MCC: variants seen among roughly 807,000 people sequenced by gnomAD.
MCC encodes the protein MCC regulator of Wnt signaling pathway.
In MCC, 90 loss-of-function variants were observed where a neutral mutation model predicts 116.2. The observed-to-expected ratio is 0.77, with a 90% CI of 0.65 to 0.92. The LOEUF is 0.92. MCC is among the 40% of genes least tolerant of loss of function. The pLI, the probability that MCC is intolerant of heterozygous loss-of-function variation, is 0.00. For missense variants in MCC, 1,516 were observed against 1,312.2 expected (o/e 1.16, Z -2.40); for synonymous variants, 578 against 510.5 (o/e 1.13, Z -1.78).
intron 6 of MCC, among the ~76,000 whole-genome samples, chr5:113,104,971 A>C (rs1283621096): frequency 1.3e-5 from 2 of 152,250 alleles, no homozygotes; most frequent in Non-Finnish European, 2.9e-5. Flanking sequence ...TAATAATTTG[A>C]TTTTGACTTA....
At chr5:113,244,200 A>G (rs1251997438) in intron 3 of MCC, among the ~76,000 whole-genome samples, 1 of 152,228 alleles carries the variant, frequency 6.6e-6, no homozygotes, top group Admixed American at 6.5e-5. Flanking sequence ...CAAATAGCAT[A>G]TGTAATGTGG....
At chr5:113,429,095 T>C (rs1208992232) in intron 1 of MCC, among the ~76,000 whole-genome samples, 4 of 152,156 alleles carry the variant, frequency 2.6e-5, no homozygotes, top group Admixed American at 6.5e-5. Context: ...TATACTCTTT[T>C]TGAGGGGGAG....
At chr5:113,063,871 C>A (rs577536977) in intron 14 of MCC, 113 bp downstream of exon 14, 12 of 1,160,798 alleles carry the variant, frequency 1.0e-5, no homozygotes, top group Admixed American at 7.4e-5. Context: ...GAAGCCATGT[C>A]TGCCTTTTCC....
At chr5:113,374,991 C>CAAAAAA (rs70973680) in intron 2 of MCC, among the ~76,000 whole-genome samples, 1 of 85,228 alleles carries the variant, frequency 1.2e-5, no homozygotes, top group Non-Finnish European at 2.2e-5. Flanking sequence ...GACCCTGTCT[C>CAAAAAA]AAAAAAAAAA....
At chr5:113,047,478 T>G (rs1752173790) in intron 16 of MCC, among the ~76,000 whole-genome samples, 1 of 152,214 alleles carries the variant, frequency 6.6e-6, no homozygotes, top group African/African-American at 2.4e-5. Flanking sequence ...TGTGGCCATT[T>G]GTGAATCATG....
chr5:113,404,943 T>TA (rs1769789680), intron 1 of MCC, among the ~76,000 whole-genome samples: 1 of 152,202 alleles, frequency 6.6e-6, no homozygotes, highest in Admixed American at 6.5e-5. Context: ...ACGGAGCTGT[T>TA]ACCAGTGACT....
intron 3 of MCC, among the ~76,000 whole-genome samples, chr5:113,321,958 A>G (rs779409120): frequency 1.3e-5 from 2 of 152,078 alleles, no homozygotes; most frequent in African/African-American, 4.8e-5. Context: ...CAGCCTCCCA[A>G]GTAGCTAGGA....
chr5:113,473,461 C>T (rs1364278934), intron 1 of MCC, among the ~76,000 whole-genome samples: 1 of 152,136 alleles, frequency 6.6e-6, no homozygotes, highest in Admixed American at 6.6e-5. Flanking sequence ...GAGTGTGAGG[C>T]TGCTGTGGGC....
chr5:113,132,490 A>G (rs1758523798), intron 5 of MCC, among the ~76,000 whole-genome samples: 1 of 150,066 alleles, frequency 6.7e-6, no homozygotes, highest in African/African-American at 2.5e-5. Context: ...ACATATATAT[A>G]TACAAGCAAG....
intron 1 of MCC, among the ~76,000 whole-genome samples, chr5:113,411,450 G>C (rs1580343892): frequency 6.6e-6 from 1 of 152,042 alleles, no homozygotes; most frequent in East Asian, 1.9e-4. Context: ...TTGTTGATGG[G>C]GTTATCTGCT....
intron 6 of MCC, among the ~76,000 whole-genome samples, chr5:113,109,186 G>A (rs1756931756): frequency 6.6e-6 from 1 of 152,188 alleles, no homozygotes; most frequent in African/African-American, 2.4e-5. Context: ...CAAAAACAAT[G>A]AAAAGCAGTG....
At chr5:113,052,789 C>G (rs1180019988) in intron 15 of MCC, among the ~76,000 whole-genome samples, 1 of 152,184 alleles carries the variant, frequency 6.6e-6, no homozygotes, top group Non-Finnish European at 1.5e-5. Context: ...CTTCCCCTCC[C>G]CGGAGGTCAG....
At chr5:113,210,632 G>A (rs1763100131) in intron 3 of MCC, among the ~76,000 whole-genome samples, 1 of 152,138 alleles carries the variant, frequency 6.6e-6, no homozygotes, top group Non-Finnish European at 1.5e-5. Flanking sequence ...AGGTACTCAG[G>A]CAAACATGAC....
intron 3 of MCC, among the ~76,000 whole-genome samples, chr5:113,164,412 C>T (rs2900069): frequency 0.99 from 150,891 of 152,300 alleles, 74,757 homozygotes; most frequent in Middle Eastern, 1. Flanking sequence ...CTCCAAGTAA[C>T]TCACTCTATC....
intron 1 of MCC, among the ~76,000 whole-genome samples, chr5:113,443,208 T>C (rs1188962443): frequency 6.6e-6 from 1 of 152,226 alleles, no homozygotes; most frequent in Non-Finnish European, 1.5e-5. Context: ...GAAGAGGTCC[T>C]TCACATTGCT....
At chr5:113,049,744 T>G (rs1322232719) in intron 15 of MCC, among the ~76,000 whole-genome samples, 1 of 152,170 alleles carries the variant, frequency 6.6e-6, no homozygotes, top group East Asian at 1.9e-4. Flanking sequence ...CCATTTTGGT[T>G]TCCATGGCAC....
chr5:113,143,253 G>C lies in MCC; in HGVS notation c.849C>G (p.Asn283Lys). ...TELHSVIAELNKKIDRLQGTT... is the reference protein window; with the variant it reads ...TELHSVIAELKKKIDRLQGTT... ...TGCCTTGCAGACGGTCTATCTTCTT[G>C]TTGAGCTCCGCAATGACGCTGTGGA... The change falls in exon 5 of 19, where the codon AAC becomes AAG. Residue 283 changes from asparagine (N) to lysine (K), a missense_variant. Coordinates refer to ENST00000408903, the MANE Select transcript of MCC (RefSeq NM_001085377.2). The C allele has an allele frequency of 6.2e-7, 1 of 1,611,652 alleles. No homozygotes were observed. Among genetic ancestry groups the C allele is most frequent in the Non-Finnish European group, 8.5e-7 (1 of 1,179,332 alleles).
intron 3 of MCC, among the ~76,000 whole-genome samples, chr5:113,252,890 T>C (rs925360003): frequency 6.6e-6 from 1 of 152,264 alleles, no homozygotes; most frequent in East Asian, 1.9e-4. Flanking sequence ...TCTGCAAATA[T>C]GCAGGAAACT....
At chr5:113,465,998 G>A (rs181111767) in intron 1 of MCC, among the ~76,000 whole-genome samples, 643 of 151,400 alleles carry the variant, frequency 4.2e-3, no homozygotes, top group Non-Finnish European at 6.9e-3. Flanking sequence ...GTGCGGTGGC[G>A]CGATCTCGGC....
Sources: allele counts gnomAD v4.1 joint callset (sites outside exome capture counted in the v4.1 genomes callset), GRCh38; gene constraint gnomAD v4.1.1; transcripts MANE v1.5; gene names NCBI Gene and HGNC (gene_info 2026-07-23, HGNC 2026-07-21).